CCDC63: variants seen among roughly 807,000 people sequenced by gnomAD.
The protein encoded by CCDC63 is coiled-coil domain containing 63.
Under a neutral mutation model 63.6 loss-of-function variants are expected in CCDC63, and 54 were observed. The observed-to-expected ratio is 0.85, with a 90% CI of 0.68 to 1.07. CCDC63 has a LOEUF of 1.07. CCDC63 is among the 50% of genes least tolerant of loss of function. The pLI is 0.00. For synonymous variants in CCDC63, 253 were observed against 266.1 expected (o/e 0.95, Z 0.48); for missense variants, 637 against 689.6 (o/e 0.92, Z 0.86).
chr12:110,898,628 A>G (rs2071444425), intron 9 of CCDC63, among the ~76,000 whole-genome samples: 1 of 151,904 alleles, frequency 6.6e-6, no homozygotes, highest in East Asian at 1.9e-4. Context: ...AAAAAAAAAA[A>G]AAAAAAATTC....
chr12:110,880,184 G>A (rs996638708), intron 6 of CCDC63, 97 bp downstream of exon 6: 13 of 1,050,930 alleles, frequency 1.2e-5, no homozygotes, highest in Non-Finnish European at 1.8e-5. Context: ...TGGTCGTTAT[G>A]TGTTGGGGAA....
chr12:110,877,128 G>A (rs1239926842), intron 5 of CCDC63, among the ~76,000 whole-genome samples: 2 of 151,918 alleles, frequency 1.3e-5, no homozygotes, highest in Non-Finnish European at 2.9e-5. Flanking sequence ...TAACATATCT[G>A]TTATCTCACA....
At chr12:110,898,670 C>G (rs975010822) in intron 9 of CCDC63, among the ~76,000 whole-genome samples, 1 of 151,560 alleles carries the variant, frequency 6.6e-6, no homozygotes, top group African/African-American at 2.4e-5. Flanking sequence ...CACACATAGA[C>G]AAGTAAGTGA....
intron 6 of CCDC63, 27 bp from the exon 7 acceptor site, chr12:110,881,088 C>T: frequency 6.4e-7 from 1 of 1,571,156 alleles, no homozygotes; most frequent in Non-Finnish European, 8.6e-7. Flanking sequence ...GCCTCAGATG[C>T]TCAGGCTCTG....
At chr12:110,880,735 G>GT (rs374806329) in intron 6 of CCDC63, among the ~76,000 whole-genome samples, 4 of 11,124 alleles carry the variant, frequency 3.6e-4, no homozygotes, top group East Asian at 3.0e-3. Flanking sequence ...TATAGTGATG[G>GT]GGTGGTGATG....
At chr12:110,880,176 GTCGT>G in intron 6 of CCDC63, 89 bp downstream of exon 6, 1 of 1,112,094 alleles carries the variant, frequency 9.0e-7, no homozygotes. Flanking sequence ...ACTGTCCCTG[GTCGT>G]TATGTGTTGG....
intron 6 of CCDC63, 140 bp downstream of exon 6, chr12:110,880,227 T>A: frequency 1.4e-6 from 1 of 726,536 alleles, no homozygotes; most frequent in Non-Finnish European, 2.3e-6. Flanking sequence ...TTCTGAGCAC[T>A]GACTGTGTGC....
upstream of CCDC63, chr12:110,846,904 C>G (rs907588903): frequency 6.6e-6 from 1 of 152,302 alleles, no homozygotes; most frequent in Non-Finnish European, 1.5e-5. Flanking sequence ...AGCGGACTTG[C>G]AGGGGAGAAC....
chr12:110,905,053 T>TC (rs1298585331), intron 11 of CCDC63, among the ~76,000 whole-genome samples: 1 of 152,134 alleles, frequency 6.6e-6, no homozygotes, highest in Non-Finnish European at 1.5e-5. Context: ...TTTTTAAAAG[T>TC]CAAAACTACC....
intron 9 of CCDC63, among the ~76,000 whole-genome samples, chr12:110,894,996 C>A (rs913824522): frequency 6.6e-6 from 1 of 152,194 alleles, no homozygotes; most frequent in Admixed American, 6.5e-5. Flanking sequence ...CTCACTGCAA[C>A]GTCCACCTCC....
intron 6 of CCDC63, 58 bp downstream of exon 6, chr12:110,880,145 A>G: frequency 2.0e-6 from 3 of 1,480,206 alleles, no homozygotes; most frequent in South Asian, 1.2e-5. Flanking sequence ...CTGAGCATCT[A>G]GCTTCCTACT....
intron 4 of CCDC63, among the ~76,000 whole-genome samples, chr12:110,872,470 G>A (rs146057216): frequency 1.3e-4 from 19 of 150,670 alleles, no homozygotes; most frequent in African/African-American, 4.7e-4. Context: ...TGCTGGTGAC[G>A]TGATTTTCAG....
chr12:110,852,808 C>G, intron 1 of CCDC63, 51 bp from the exon 2 acceptor site: 1 of 1,255,810 alleles, frequency 8.0e-7, no homozygotes, highest in Non-Finnish European at 1.2e-6. Context: ...CTGACCTGCA[C>G]CCCCAGCAGG....
chr12:110,859,882 G>T (rs917835975), intron 4 of CCDC63, among the ~76,000 whole-genome samples: 1 of 151,982 alleles, frequency 6.6e-6, no homozygotes, highest in Non-Finnish European at 1.5e-5. Context: ...CCACCTCAGG[G>T]CCTTTGCTTA....
rs2071328117 is a variant in CCDC63 at position 110,889,368 on chromosome 12, A to T, written c.1075-3708A>T. On this transcript the variant is annotated intron_variant, in intron 8 of 11. Coordinates refer to ENST00000308208, the MANE Select transcript of CCDC63 (RefSeq NM_152591.3). This position sits in a 1 kb window ranked among gnomAD's most constrained non-coding sequence, Gnocchi z 4.1. Reference sequence around the variant, plus strand: ...TAGAGTAAGTTAGAAAGGGAGATGCAGTGTGGGTAAAAAGATGAAGTCGCA... The same window carrying T: ...TAGAGTAAGTTAGAAAGGGAGATGCTGTGTGGGTAAAAAGATGAAGTCGCA... 6.6e-6 allele frequency among the ~76,000 whole-genome samples: 1 copy of T among 152,194 alleles called. No homozygotes were observed.
At chr12:110,872,843 T>A (rs776413744) in intron 4 of CCDC63, among the ~76,000 whole-genome samples, 3 of 152,134 alleles carry the variant, frequency 2.0e-5, no homozygotes, top group Non-Finnish European at 4.4e-5. Context: ...TCCAGGCTGG[T>A]CTCAAATTCC....
At chr12:110,866,189 G>T (rs1214638244) in intron 4 of CCDC63, among the ~76,000 whole-genome samples, 3 of 152,128 alleles carry the variant, frequency 2.0e-5, no homozygotes, top group African/African-American at 7.2e-5. Context: ...TGTTGGCCAG[G>T]CTTGTCTTGA....
rs1033888921 is a variant in CCDC63 at position 110,889,545 on chromosome 12, T to C, written c.1075-3531T>C. On this transcript the variant is annotated intron_variant, in intron 8 of 11. Transcript: ENST00000308208. The surrounding 1 kb of genome is among the most constrained non-coding windows in gnomAD (Gnocchi z 4.1). The stretch of plus-strand genomic sequence containing the variant: ...ACAGCAACAGCACACGCAAAGGCCC[T>C]GACGCAGCTTGCAAGCAGGCCAGGG... 1.3e-5 allele frequency among the ~76,000 whole-genome samples: 2 copies of C among 152,056 alleles called. No homozygotes were observed. The highest frequency in any genetic ancestry group is 4.8e-5 in the African/African-American group (2 of 41,398).
chr12:110,845,686 G>A (rs1466058297), upstream of CCDC63: 1 of 151,914 alleles, frequency 6.6e-6, no homozygotes, highest in African/African-American at 2.4e-5. Flanking sequence ...GTTACAACGT[G>A]GCTGCCAGCA....
Sources: allele counts gnomAD v4.1 joint callset (sites outside exome capture counted in the v4.1 genomes callset), GRCh38; gene constraint gnomAD v4.1.1; non-coding constraint Gnocchi (gnomAD v3.1); transcripts MANE v1.5; gene names NCBI Gene and HGNC (gene_info 2026-07-23, HGNC 2026-07-21).